The following AKAP6 variants were observed in gnomAD, a reference collection of about 807,000 sequenced individuals.
AKAP6 encodes A-kinase anchor protein 6.
In AKAP6, 58 loss-of-function variants were observed where a neutral mutation model predicts 188.5. The ratio of observed to expected loss-of-function variants is 0.31; its 90% confidence interval spans 0.25 to 0.38. AKAP6 has a LOEUF of 0.38. AKAP6 is among the 10% of genes least tolerant of loss of function. The probability of loss-of-function intolerance (pLI) is 1.00; values close to 1 mark genes in which losing one functional copy is unlikely to be tolerated. For synonymous variants in AKAP6, 989 were observed against 998.6 expected (o/e 0.99, Z 0.18); for missense variants, 2,710 against 2,740.0 (o/e 0.99, Z 0.24).
Position 32,568,765 on chromosome 14 carries a change from A to G in AKAP6, c.2347-8355A>G, listed in dbSNP as rs1162429359. 6.6e-6 allele frequency among the ~76,000 whole-genome samples: 1 copy of G among 152,182 alleles called. No homozygotes were observed. Among genetic ancestry groups the G allele is most frequent in the Non-Finnish European group, 1.5e-5 (1 of 68,026 alleles). ...TTCCTCACTATAAAATGGAGAGTGC[A>G]GTAATATTGTATCATAGGGTTGTTG... On this transcript the variant is annotated intron_variant, in intron 4 of 13. Transcript: ENST00000280979. This position sits in a 1 kb window ranked among gnomAD's most constrained non-coding sequence, Gnocchi z 6.2.
Position 32,488,861 on chromosome 14 carries a change from A to G in AKAP6, c.325-46693A>G, listed in dbSNP as rs554828929. Among the ~76,000 whole-genome samples, 16 of 152,266 alleles carry G rather than the reference A, an allele frequency of 1.1e-4. No homozygotes were observed. In the East Asian group the frequency reaches 1.2e-3, roughly 11 times the overall value. On this transcript the variant is annotated intron_variant, in intron 2 of 13. Coordinates refer to ENST00000280979, the MANE Select transcript of AKAP6 (RefSeq NM_004274.5). ...TACACCCACTGTCTAACCAGTCCCA[A>G]CGAAATGAGGTAGGTATCTCAGTTG...
At chr14:32,826,292 C>G (rs1434791070) in intron 13 of AKAP6, among the ~76,000 whole-genome samples, 1 of 152,132 alleles carries the variant, frequency 6.6e-6, no homozygotes, top group African/African-American at 2.4e-5. Flanking sequence ...TTACAATTGG[C>G]TGCAAGTGAG....
At chr14:32,553,452 G>T (rs146793059) in intron 4 of AKAP6, among the ~76,000 whole-genome samples, 1 of 152,054 alleles carries the variant, frequency 6.6e-6, no homozygotes, top group Non-Finnish European at 1.5e-5. Flanking sequence ...GATTACAGGC[G>T]TGAGCCACCG....
chr14:32,612,753 C>G (rs1886404190), intron 7 of AKAP6, among the ~76,000 whole-genome samples: 1 of 152,064 alleles, frequency 6.6e-6, no homozygotes. Flanking sequence ...GTTTAAACAG[C>G]CTTGCTGAAA....
At chr14:32,331,404 C>A (rs1397592811) in intron 1 of AKAP6, among the ~76,000 whole-genome samples, 2 of 151,976 alleles carry the variant, frequency 1.3e-5, no homozygotes, top group Admixed American at 6.6e-5. Flanking sequence ...TGGGTGTGGA[C>A]TGACGCAGTT....
At chr14:32,561,508 T>C (rs1331960203) in intron 4 of AKAP6, among the ~76,000 whole-genome samples, 1 of 152,224 alleles carries the variant, frequency 6.6e-6, no homozygotes, top group Non-Finnish European at 1.5e-5. Flanking sequence ...TTGTACAATA[T>C]TCCTTGGCGT....
intron 11 of AKAP6, among the ~76,000 whole-genome samples, chr14:32,741,395 A>C (rs1024576479): frequency 1.3e-5 from 2 of 152,066 alleles, no homozygotes; most frequent in African/African-American, 4.8e-5. Flanking sequence ...GACTTCCAGA[A>C]CTATGTTGGT....
chr14:32,711,408 A>G (rs181026210), intron 9 of AKAP6, among the ~76,000 whole-genome samples: 1 of 152,174 alleles, frequency 6.6e-6, no homozygotes, highest in East Asian at 1.9e-4. Flanking sequence ...GAAATTGTTC[A>G]TTGAACCCTA....
chr14:32,450,064 C>G (rs957130475), intron 2 of AKAP6, among the ~76,000 whole-genome samples: 1 of 152,156 alleles, frequency 6.6e-6, no homozygotes, highest in African/African-American at 2.4e-5. Flanking sequence ...GATGGCAGGC[C>G]TAGTTCTGCT....
rs557639632 is a variant in AKAP6 at position 32,407,482 on chromosome 14, G to A, written c.-34-25978G>A. 3.9e-5 allele frequency among the ~76,000 whole-genome samples: 6 copies of A among 152,340 alleles called. No individual in the cohort carries two copies. In the East Asian group the frequency reaches 1.2e-3, roughly 29 times the overall value. On this transcript the variant is annotated intron_variant, in intron 1 of 13. Coordinates refer to ENST00000280979, the MANE Select transcript of AKAP6 (RefSeq NM_004274.5). The stretch of plus-strand genomic sequence containing the variant: ...CAATGAGTGTGAGGGCAGAGTCTGA[G>A]CCTACCTGGCCCAGTCTGAAGAGGA...
At chr14:32,541,396 G>A (rs573062975) in intron 3 of AKAP6, among the ~76,000 whole-genome samples, 114 of 151,584 alleles carry the variant, frequency 7.5e-4, no homozygotes, top group African/African-American at 2.5e-3. Context: ...AGTTATTCTC[G>A]AGCAAGACAG....
chr14:32,335,746 A>T (rs1290207455), intron 1 of AKAP6, among the ~76,000 whole-genome samples: 1 of 147,070 alleles, frequency 6.8e-6, no homozygotes, highest in African/African-American at 2.5e-5. Flanking sequence ...TTACTACTTG[A>T]TTACTTTTAT....
chr14:32,736,955 C>T (rs1412111194), intron 11 of AKAP6, among the ~76,000 whole-genome samples: 1 of 152,124 alleles, frequency 6.6e-6, no homozygotes, highest in Non-Finnish European at 1.5e-5. Flanking sequence ...TGAAAACCTC[C>T]TCTTCTGCCA....
At chr14:32,676,395 G>T (rs1214478517) in intron 7 of AKAP6, among the ~76,000 whole-genome samples, 2 of 151,954 alleles carry the variant, frequency 1.3e-5, no homozygotes, top group Non-Finnish European at 2.9e-5. Context: ...CATGATGTTT[G>T]CAAACCTCTT....
chr14:32,660,620 C>G (rs1888646624), intron 7 of AKAP6, among the ~76,000 whole-genome samples: 1 of 151,978 alleles, frequency 6.6e-6, no homozygotes, highest in African/African-American at 2.4e-5. Context: ...CCCCCAGGTT[C>G]TAAATAAGAA....
intron 1 of AKAP6, among the ~76,000 whole-genome samples, chr14:32,347,839 C>T (rs948732814): frequency 6.6e-6 from 1 of 152,232 alleles, no homozygotes; most frequent in Admixed American, 6.5e-5. Flanking sequence ...TCTGTGTCTT[C>T]TGTTGACCTG....
chr14:32,829,205 C>T (rs962162717), intron 13 of AKAP6, among the ~76,000 whole-genome samples: 1 of 152,176 alleles, frequency 6.6e-6, no homozygotes, highest in Admixed American at 6.5e-5. Context: ...ATGAGATGTA[C>T]AAATATAATT....
At chr14:32,820,173 A>T (rs1271355429) in intron 12 of AKAP6, among the ~76,000 whole-genome samples, 1 of 151,926 alleles carries the variant, frequency 6.6e-6, no homozygotes, top group East Asian at 1.9e-4. Context: ...CCAGTCTGCA[A>T]GTTCTAGTGC....
chr14:32,527,412 G>T (rs567674461), intron 2 of AKAP6, among the ~76,000 whole-genome samples: 2 of 151,966 alleles, frequency 1.3e-5, no homozygotes. Context: ...GAATAAAGCC[G>T]CTATAAACAT....
Sources: gnomAD v4.1 joint callset for allele counts (sites outside exome capture counted in the v4.1 genomes callset) on GRCh38, gnomAD v4.1.1 for gene constraint, Gnocchi (gnomAD v3.1) non-coding constraint, MANE v1.5 for transcripts, NCBI Gene and HGNC (gene_info 2026-07-23, HGNC 2026-07-21) for gene names.